Variants in GTF2F2 observed in about 807,000 individuals in gnomAD.
The protein encoded by GTF2F2 is ATP-dependent helicase GTF2F2.
In GTF2F2, 23 loss-of-function variants were observed where a neutral mutation model predicts 42.2. The observed-to-expected ratio is 0.55, with a 90% CI of 0.39 to 0.77. The LOEUF is 0.77. Among genes scored for constraint, GTF2F2 ranks in the 30% least tolerant of loss-of-function variants. The pLI is 0.00. For missense variants in GTF2F2, 261 were observed against 287.2 expected (o/e 0.91, Z 0.66); for synonymous variants, 105 against 100.8 (o/e 1.04, Z -0.25).
At chr13:45,260,275 A>G (rs1876282390) in intron 6 of GTF2F2, among the ~76,000 whole-genome samples, 1 of 152,208 alleles carries the variant, frequency 6.6e-6, no homozygotes, top group African/African-American at 2.4e-5. Context: ...TGTTTGTAGG[A>G]CTATATCATG....
At chr13:45,162,208 G>A (rs1171410617) in intron 4 of GTF2F2, among the ~76,000 whole-genome samples, 2 of 152,188 alleles carry the variant, frequency 1.3e-5, no homozygotes, top group African/African-American at 4.8e-5. Flanking sequence ...TGCCTGGATA[G>A]ATGCTCTGTG....
rs542297653 is a variant in GTF2F2, at chr13:45,168,118, C to A, written c.304+16287C>A. Among the ~76,000 whole-genome samples, 21 of 152,300 alleles carry A rather than the reference C, an allele frequency of 1.4e-4. 1 individual carries two copies. The highest frequency in any genetic ancestry group is 4.6e-4 in the African/African-American group (19 of 41,564). ...AAAGAAAAAAGTCTGGTTTAGAGCA[C>A]TTCTCAACCCCTTTTCTGCTGCTTC... is the stretch of plus-strand genomic sequence containing the variant. On this transcript the variant is annotated intron_variant, in intron 4 of 7. Transcript: ENST00000340473.
At chr13:45,262,054 C>T (rs970965147) in intron 6 of GTF2F2, among the ~76,000 whole-genome samples, 1 of 152,058 alleles carries the variant, frequency 6.6e-6, no homozygotes. Flanking sequence ...GGATTATGAG[C>T]CTGTCTTAGA....
At chr13:45,277,146 G>A (rs112784033) in intron 7 of GTF2F2, among the ~76,000 whole-genome samples, 40 of 152,276 alleles carry the variant, frequency 2.6e-4, no homozygotes, top group Admixed American at 8.5e-4. Flanking sequence ...TCCTAGCATC[G>A]CCTTTCCTCT....
intron 1 of GTF2F2, among the ~76,000 whole-genome samples, chr13:45,129,965 C>G (rs903714487): frequency 2.0e-5 from 3 of 152,154 alleles, no homozygotes; most frequent in African/African-American, 7.2e-5. Flanking sequence ...GAAGAGTGTT[C>G]CGGACAGAAA....
chr13:45,191,255 A>ATATATATATATATGGC (rs1260872563), intron 4 of GTF2F2, among the ~76,000 whole-genome samples: 34 of 136,514 alleles, frequency 2.5e-4, no homozygotes, highest in South Asian at 4.4e-4. Context: ...ATATATATAT[A>ATATATATATATATGGC]GCCATAATCT....
At chr13:45,266,148 C>T (rs936288222) in intron 6 of GTF2F2, among the ~76,000 whole-genome samples, 30 of 152,104 alleles carry the variant, frequency 2.0e-4, no homozygotes, top group Admixed American at 1.3e-3. Context: ...TGGAGGTACA[C>T]AAAACTGCAG....
intron 4 of GTF2F2, among the ~76,000 whole-genome samples, chr13:45,160,263 G>T (rs1870970642): frequency 6.6e-6 from 1 of 152,184 alleles, no homozygotes; most frequent in Non-Finnish European, 1.5e-5. Flanking sequence ...GTAAAGATCT[G>T]CTGTTTTGGT....
chr13:45,148,973 T>G (rs185943050), intron 2 of GTF2F2, among the ~76,000 whole-genome samples: 5 of 152,238 alleles, frequency 3.3e-5, no homozygotes, highest in Admixed American at 3.3e-4. Flanking sequence ...AGAGGAAAAT[T>G]GCTCATAATT....
chr13:45,166,084 G>T (rs1367011274), intron 4 of GTF2F2, among the ~76,000 whole-genome samples: 2 of 152,000 alleles, frequency 1.3e-5, no homozygotes, highest in Non-Finnish European at 2.9e-5. Flanking sequence ...AAAGTGCTGG[G>T]ATTACAGGCG....
intron 1 of GTF2F2, among the ~76,000 whole-genome samples, chr13:45,132,660 C>T (rs887804952): frequency 1.3e-5 from 2 of 152,090 alleles, no homozygotes; most frequent in Non-Finnish European, 2.9e-5. Context: ...GAAAGAAATT[C>T]AGTGCACAAG....
At chr13:45,267,186 G>A (rs1200327366) in intron 6 of GTF2F2, 47 bp from the exon 7 acceptor site, 19 of 1,482,718 alleles carry the variant, frequency 1.3e-5, no homozygotes, top group Non-Finnish European at 1.8e-5. Context: ...GTTTTAGAGT[G>A]AGCATGTTGA....
chr13:45,139,880 C>T (rs1035901878), intron 2 of GTF2F2, among the ~76,000 whole-genome samples: 6 of 152,028 alleles, frequency 3.9e-5, no homozygotes, highest in Non-Finnish European at 8.8e-5. Flanking sequence ...TCTGGCATGC[C>T]CCATCTCCCA....
chr13:45,125,126 T>C (rs541349658), intron 1 of GTF2F2, among the ~76,000 whole-genome samples: 1 of 152,332 alleles, frequency 6.6e-6, no homozygotes, highest in African/African-American at 2.4e-5. Context: ...ATTTCTTGTG[T>C]AGCGAGTATT....
intron 1 of GTF2F2, chr13:45,124,232 G>A: frequency 3.2e-6 from 1 of 314,816 alleles, no homozygotes; most frequent in Non-Finnish European, 6.2e-6. Context: ...ATAGGTGCCT[G>A]CTACCACGCC....
At chr13:45,193,628 A>G (rs1358863996) in intron 4 of GTF2F2, 1 of 626,212 alleles carries the variant, frequency 1.6e-6, no homozygotes, top group Non-Finnish European at 2.7e-6. Flanking sequence ...GGACATCTTT[A>G]GCGATAGAAT....
chr13:45,157,431 A>G (rs909991560), intron 4 of GTF2F2, among the ~76,000 whole-genome samples: 5 of 152,232 alleles, frequency 3.3e-5, no homozygotes, highest in Non-Finnish European at 5.9e-5. Context: ...TTTGATTTAC[A>G]TGTTAAAGAC....
chr13:45,126,733 G>A (rs1035587278), intron 1 of GTF2F2, among the ~76,000 whole-genome samples: 1 of 152,142 alleles, frequency 6.6e-6, no homozygotes, highest in African/African-American at 2.4e-5. Context: ...GTCAAATATT[G>A]GTCTTAACGA....
intron 4 of GTF2F2, among the ~76,000 whole-genome samples, chr13:45,204,284 G>A (rs7984902): frequency 0.21 from 31,437 of 152,080 alleles, 3,491 homozygotes; most frequent in African/African-American, 0.23. Context: ...GCCACAGAAC[G>A]TTTAAGAAAG....
Sources: allele counts gnomAD v4.1 joint callset (sites outside exome capture counted in the v4.1 genomes callset), GRCh38; gene constraint gnomAD v4.1.1; transcripts MANE v1.5; gene names NCBI Gene and HGNC (gene_info 2026-07-23, HGNC 2026-07-21).